The following DNAH11 variants were observed in gnomAD, a reference collection of about 807,000 sequenced individuals.
The protein encoded by DNAH11 is dynein axonemal heavy chain 11.
A neutral mutation model predicts 526.0 loss-of-function variants in DNAH11; 442 were observed. The observed-to-expected ratio is 0.84, with a 90% CI of 0.78 to 0.91. DNAH11 has a LOEUF of 0.91. Ranked by LOEUF, DNAH11 falls within the 40% of genes least tolerant of loss-of-function variation. DNAH11 has a pLI of 0.00. For synonymous variants in DNAH11, 2,461 were observed against 1,935.9 expected (o/e 1.27, Z -7.12); for missense variants, 6,989 against 5,448.7 (o/e 1.28, Z -8.90).
intron 68 of DNAH11, among the ~76,000 whole-genome samples, chr7:21,860,694 TAAG>T (rs1358351008): frequency 6.6e-6 from 1 of 152,172 alleles, no homozygotes; most frequent in African/African-American, 2.4e-5. Flanking sequence ...CCAGTCACAG[TAAG>T]ACTGTGACTC....
chr7:21,632,175 C>T (rs1214942028), intron 25 of DNAH11, among the ~76,000 whole-genome samples: 1 of 152,178 alleles, frequency 6.6e-6, no homozygotes, highest in Admixed American at 6.5e-5. Flanking sequence ...GGATGCAGGG[C>T]ACCAAGTCTC....
intron 65 of DNAH11, among the ~76,000 whole-genome samples, chr7:21,836,305 C>CA (rs905245988): frequency 6.6e-6 from 1 of 151,156 alleles, no homozygotes; most frequent in African/African-American, 2.4e-5. Flanking sequence ...CAACCTTGAG[C>CA]AAAAAAAACA....
intron 68 of DNAH11, among the ~76,000 whole-genome samples, 197 bp downstream of exon 68, chr7:21,854,652 C>G (rs559381137): frequency 1.4e-4 from 22 of 152,188 alleles, no homozygotes; most frequent in African/African-American, 5.3e-4. Context: ...AAGCAATTCT[C>G]ATGCCTCAGT....
At chr7:21,614,064 A>G (rs1785653527) in intron 20 of DNAH11, among the ~76,000 whole-genome samples, 1 of 152,120 alleles carries the variant, frequency 6.6e-6, no homozygotes, top group Non-Finnish European at 1.5e-5. Context: ...AGCATGAGCC[A>G]CTGTGCCCAG....
Position 21,786,815 on chromosome 7 carries a change from G to A in DNAH11, c.9741+48G>A. 8 of 1,608,190 alleles carry A rather than the reference G, an allele frequency of 5.0e-6. No homozygotes were observed. The South Asian group carries it at 8.8e-5, about 18-fold the overall frequency. On this transcript the variant is annotated intron_variant, in intron 59 of 81. Transcript: ENST00000409508. ...TGAAAATCCTGATAATTTCCATACT[G>A]TTTTCAGTACTGTGGTTATGCTTAA...
At chr7:21,829,354 C>T (rs769013217) in intron 65 of DNAH11, among the ~76,000 whole-genome samples, 2 of 151,888 alleles carry the variant, frequency 1.3e-5, no homozygotes, top group East Asian at 3.9e-4. Flanking sequence ...ATTCAGAGAA[C>T]ATGTTGGCTA....
At chr7:21,834,576 T>C (rs1781919302) in intron 65 of DNAH11, among the ~76,000 whole-genome samples, 1 of 152,168 alleles carries the variant, frequency 6.6e-6, no homozygotes, top group African/African-American at 2.4e-5. Context: ...AAATCAGCTA[T>C]AATTCCAACA....
intron 61 of DNAH11, among the ~76,000 whole-genome samples, chr7:21,789,840 C>CTTTCTTTT (rs1449198669): frequency 8.3e-6 from 1 of 120,118 alleles, no homozygotes; most frequent in South Asian, 2.6e-4. Flanking sequence ...TTCTTTCTTT[C>CTTTCTTTT]TTTCTTTCTT....
rs181603431 is a variant in DNAH11 at position 21,899,992 on chromosome 7, C to T, written c.13175C>T (p.Thr4392Met). The change falls in exon 81 of 82, where the codon ACG (threonine) becomes ATG (methionine). Residue 4392 changes from threonine to methionine, a missense_variant. Transcript: ENST00000409508. ...TATATTTCCAAAGCAATCATGCAGA[C>T]GATGGCTCGAAAAAATGAGTGGCCC... is the stretch of plus-strand genomic sequence containing the variant. ...PQSFLTAIMQ[T>M]MARKNEWPLD... The T allele has an allele frequency of 7.8e-5, 126 of 1,613,880 alleles. 1 individual carries two copies. In the East Asian group the frequency reaches 8.0e-4, roughly 10 times the overall value.
At chr7:21,556,915 G>T (rs1464304381) in intron 2 of DNAH11, among the ~76,000 whole-genome samples, 1 of 152,032 alleles carries the variant, frequency 6.6e-6, no homozygotes, top group East Asian at 1.9e-4. Flanking sequence ...ACGAAAACTA[G>T]CTGGGCATGG....
chr7:21,770,124 A>G (rs921109364), intron 55 of DNAH11, among the ~76,000 whole-genome samples: 13 of 152,182 alleles, frequency 8.5e-5, no homozygotes, highest in Non-Finnish European at 1.9e-4. Flanking sequence ...TGTTGGTGCT[A>G]CTGCTACCAC....
intron 74 of DNAH11, among the ~76,000 whole-genome samples, chr7:21,876,922 C>T (rs916654318): frequency 6.6e-6 from 1 of 152,212 alleles, no homozygotes; most frequent in Admixed American, 6.5e-5. Flanking sequence ...ACCATATGCC[C>T]AGCTAAAAAT....
intron 68 of DNAH11, among the ~76,000 whole-genome samples, chr7:21,859,451 A>G (rs1782973812): frequency 6.6e-6 from 1 of 152,220 alleles, no homozygotes; most frequent in Non-Finnish European, 1.5e-5. Flanking sequence ...TTCCATCCCC[A>G]AGACATCTCA....
chr7:21,819,710 T>G (rs1429196381), intron 65 of DNAH11, among the ~76,000 whole-genome samples: 1 of 152,170 alleles, frequency 6.6e-6, no homozygotes, highest in Non-Finnish European at 1.5e-5. Context: ...ATCAGAAATT[T>G]CCAAAGGCTG....
intron 74 of DNAH11, among the ~76,000 whole-genome samples, chr7:21,874,746 C>T (rs944589171): frequency 6.6e-6 from 1 of 151,882 alleles, no homozygotes; most frequent in Non-Finnish European, 1.5e-5. Context: ...ACTCTTTTTA[C>T]CCAAACTATC....
Position 21,866,643 on chromosome 7 carries a change from C to A in DNAH11, c.11670C>A (p.Asp3890Glu), listed in dbSNP as rs548184198. 3.1e-6 allele frequency: 5 copies of A among 1,612,930 alleles called. No individual in the cohort carries two copies. The highest frequency in any genetic ancestry group is 4.2e-6 in the Non-Finnish European group (5 of 1,179,374). Residue 3890 changes from aspartate (D) to glutamate (E), a missense_variant, in exon 71 of 82, where the codon GAC becomes GAA. By Grantham distance (45) the Asp-to-Glu change is conservative. Coordinates refer to ENST00000409508, the MANE Select transcript of DNAH11 (RefSeq NM_001277115.2). ...TTCTTCTGAGAGCAATGCGCCCTGA[C>A]AGAATGACGTATGCTCTCAGGTGGG... is the stretch of plus-strand genomic sequence containing the variant. Reference protein sequence around the residue: ...KLILLRAMRPDRMTYALRNFV... With the variant: ...KLILLRAMRPERMTYALRNFV...
intron 74 of DNAH11, among the ~76,000 whole-genome samples, chr7:21,875,714 A>G (rs1014431996): frequency 2.6e-5 from 4 of 152,114 alleles, no homozygotes; most frequent in Non-Finnish European, 5.9e-5. Flanking sequence ...AAAGATTCAC[A>G]GATTCCCCCA....
chr7:21,670,290 A>G (rs1249795930), intron 30 of DNAH11, among the ~76,000 whole-genome samples: 1 of 151,812 alleles, frequency 6.6e-6, no homozygotes, highest in Non-Finnish European at 1.5e-5. Flanking sequence ...TGTGTTTTTT[A>G]TTCTATTTTA....
At chr7:21,772,750 A>T (rs1787492609) in intron 55 of DNAH11, among the ~76,000 whole-genome samples, 1 of 152,184 alleles carries the variant, frequency 6.6e-6, no homozygotes, top group African/African-American at 2.4e-5. Flanking sequence ...GGGTATTCCA[A>T]ACCCACTCGG....
Sources: allele counts gnomAD v4.1 joint callset (sites outside exome capture counted in the v4.1 genomes callset), GRCh38; gene constraint gnomAD v4.1.1; transcripts MANE v1.5; gene names NCBI Gene and HGNC (gene_info 2026-07-23, HGNC 2026-07-21).